PTPRN2: variants seen among roughly 807,000 people sequenced by gnomAD.
PTPRN2 encodes protein tyrosine phosphatase receptor type N2.
In PTPRN2, 74 loss-of-function variants were observed where a neutral mutation model predicts 118.8. That is an observed-to-expected ratio of 0.62 (90% CI 0.52 to 0.76). PTPRN2 has a LOEUF of 0.76. Ranked by LOEUF, PTPRN2 falls within the 30% of genes least tolerant of loss-of-function variation. PTPRN2 has a pLI of 0.00. For synonymous variants in PTPRN2, 641 were observed against 608.0 expected (o/e 1.05, Z -0.80); for missense variants, 1,481 against 1,394.4 (o/e 1.06, Z -0.99).
At chr7:157,653,727 G>A (rs559954159) in intron 14 of PTPRN2, among the ~76,000 whole-genome samples, 34 of 152,200 alleles carry the variant, frequency 2.2e-4, no homozygotes, top group African/African-American at 7.7e-4. Flanking sequence ...CAGAACTGCT[G>A]AGTGAGAGGA....
At chr7:157,635,071 C>T (rs1206746077) in intron 14 of PTPRN2, among the ~76,000 whole-genome samples, 9 of 152,342 alleles carry the variant, frequency 5.9e-5, no homozygotes, top group Middle Eastern at 3.4e-3. Context: ...CACAGCGACA[C>T]GGGCTCTAAC....
intron 2 of PTPRN2, among the ~76,000 whole-genome samples, chr7:158,389,393 T>G (rs1301751630): frequency 6.6e-6 from 1 of 152,234 alleles, no homozygotes; most frequent in Non-Finnish European, 1.5e-5. Context: ...TGCAAGTTCA[T>G]TAGAAAAGAG....
At chr7:158,348,644 T>C (rs964855588) in intron 2 of PTPRN2, among the ~76,000 whole-genome samples, 7 of 151,882 alleles carry the variant, frequency 4.6e-5, no homozygotes, top group African/African-American at 1.7e-4. Context: ...CCTCACAGAG[T>C]TTTCATGCTC....
At position 158,289,101 on chromosome 7, in the gene PTPRN2, CTCTT is replaced by C. The variant is rs543976344; in HGVS notation, c.277+27714_277+27717del. ...CTTTTCTCTCACTGCTTTTAAGATC[CTCTT>C]TGTCTTTGATTTTTGACAGTTTGAT... On this transcript the variant is annotated intron_variant, in intron 3 of 22. Coordinates refer to ENST00000389418, the MANE Select transcript of PTPRN2 (RefSeq NM_002847.5). Among the ~76,000 whole-genome samples, 166 of 152,166 alleles carry C rather than the reference CTCTT, an allele frequency of 1.1e-3. 1 individual carries two copies. Among genetic ancestry groups the C allele is most frequent in the Non-Finnish European group, 1.7e-3 (113 of 67,992 alleles).
chr7:158,196,534 C>T (rs942935551), intron 4 of PTPRN2, among the ~76,000 whole-genome samples: 1 of 152,006 alleles, frequency 6.6e-6, no homozygotes, highest in African/African-American at 2.4e-5. Context: ...CATGACCACA[C>T]TGAGTCCAAC....
chr7:157,829,935 G>C (rs1239011744), intron 12 of PTPRN2, among the ~76,000 whole-genome samples: 2 of 152,216 alleles, frequency 1.3e-5, no homozygotes, highest in Admixed American at 6.5e-5. Flanking sequence ...AGCTCCACCT[G>C]TCTGTGGGCC....
Position 158,515,903 on chromosome 7 carries a change from G to A in PTPRN2, c.113-26118C>T, listed in dbSNP as rs555675731. Among the ~76,000 whole-genome samples, 9 of 152,202 alleles carry A rather than the reference G, an allele frequency of 5.9e-5. No individual in the cohort carries two copies. The East Asian group carries it at 1.7e-3, about 29-fold the overall frequency. The stretch of plus-strand genomic sequence containing the variant: ...AAATACGTTTCCACACTTTTTCCAA[G>A]AGTTCCACCTTCATAGTCCAGTCTT... On this transcript the variant is annotated intron_variant, in intron 1 of 22. Transcript: ENST00000389418.
At chr7:158,489,527 C>G (rs928471466) in intron 2 of PTPRN2, among the ~76,000 whole-genome samples, 4 of 152,216 alleles carry the variant, frequency 2.6e-5, no homozygotes, top group East Asian at 1.9e-4. Flanking sequence ...TTGGTGCGAG[C>G]GATGGGCGCC....
At chr7:158,307,384 T>C (rs975471158) in intron 3 of PTPRN2, among the ~76,000 whole-genome samples, 1 of 151,872 alleles carries the variant, frequency 6.6e-6, no homozygotes, top group Admixed American at 6.6e-5. Flanking sequence ...CAACTGAAAT[T>C]ATCCAGTCTG....
chr7:157,938,674 A>G (rs748593416), intron 11 of PTPRN2, among the ~76,000 whole-genome samples: 1 of 152,260 alleles, frequency 6.6e-6, no homozygotes, highest in Non-Finnish European at 1.5e-5. Flanking sequence ...AAGTTGCATT[A>G]AACTGATGAG....
intron 2 of PTPRN2, among the ~76,000 whole-genome samples, chr7:158,331,104 C>G (rs1804319821): frequency 6.7e-6 from 1 of 149,234 alleles, no homozygotes; most frequent in East Asian, 2.0e-4. Context: ...CCGCAGACGT[C>G]ACTCACACCC....
chr7:158,209,124 G>A (rs1371777943), intron 3 of PTPRN2, among the ~76,000 whole-genome samples: 3 of 139,386 alleles, frequency 2.2e-5, no homozygotes, highest in Admixed American at 1.4e-4. Flanking sequence ...AAAAAAAAAA[G>A]TAAGGAAAGA....
At chr7:157,915,148 T>C (rs941785265) in intron 11 of PTPRN2, among the ~76,000 whole-genome samples, 1 of 152,250 alleles carries the variant, frequency 6.6e-6, no homozygotes, top group African/African-American at 2.4e-5. Context: ...GTCCATTCTT[T>C]CAATTAACTT....
intron 12 of PTPRN2, among the ~76,000 whole-genome samples, chr7:157,844,737 G>A (rs73746655): frequency 0.032 from 4,839 of 152,228 alleles, 263 homozygotes; most frequent in African/African-American, 0.11. Flanking sequence ...CAACGTACCC[G>A]GCACTGAGTT....
At position 157,576,722 on chromosome 7, in the gene PTPRN2, G is replaced by A. The variant is rs755561389; in HGVS notation, c.2674C>T (p.Leu892=). The A allele has an allele frequency of 5.6e-6, 9 of 1,609,740 alleles. No homozygotes were observed. The South Asian group carries it at 7.8e-5, about 14-fold the overall frequency. ...GTCTCGTTGGTCTGCAGGTTCTTCA[G>A]ATAGAAGCTCCTCACCAGGAAGTCC... The part of the protein sequence containing the change: ...CEDFLVRSFY[L]KNLQTNETRT... The change falls in exon 19 of 23, where the codon CTG becomes TTG. Residue 892 remains leucine (L), a synonymous_variant. Transcript: ENST00000389418.
intron 12 of PTPRN2, among the ~76,000 whole-genome samples, chr7:157,723,291 T>C (rs1292361921): frequency 6.6e-6 from 1 of 152,180 alleles, no homozygotes; most frequent in South Asian, 2.1e-4. Context: ...GGGACAGCTC[T>C]GGTCTGGCCT....
In PTPRN2 at chr7:158,570,929, T is replaced by C. The variant is rs1409644272; in HGVS notation, c.112+16629A>G. Among the ~76,000 whole-genome samples, 2 of 152,152 alleles carry C rather than the reference T, an allele frequency of 1.3e-5. No individual in the cohort carries two copies. The highest frequency in any genetic ancestry group is 2.4e-5 in the African/African-American group (1 of 41,440). On this transcript the variant is annotated intron_variant, in intron 1 of 22. Coordinates refer to ENST00000389418, the MANE Select transcript of PTPRN2 (RefSeq NM_002847.5). The surrounding 1 kb of genome is among the most constrained non-coding windows in gnomAD (Gnocchi z 4.5). ...CTTCCTCTGCTCAGAAGCCCACCCC[T>C]GCAGAGCAAAGCCCGGGTCCCGGAT...
chr7:158,129,489 C>A (rs374526560), intron 9 of PTPRN2, among the ~76,000 whole-genome samples: 2,801 of 123,884 alleles, frequency 0.023, 69 homozygotes, highest in African/African-American at 0.063. Context: ...ACACACAGCA[C>A]ACACACACAC....
intron 12 of PTPRN2, among the ~76,000 whole-genome samples, chr7:157,884,038 G>A (rs970052891): frequency 6.7e-6 from 1 of 149,870 alleles, no homozygotes; most frequent in South Asian, 2.1e-4. Context: ...AATGACTGTC[G>A]AAAACCAGAA....
Sources: gnomAD v4.1 joint callset for allele counts (sites outside exome capture counted in the v4.1 genomes callset) on GRCh38, gnomAD v4.1.1 for gene constraint, Gnocchi (gnomAD v3.1) non-coding constraint, MANE v1.5 for transcripts, NCBI Gene and HGNC (gene_info 2026-07-23, HGNC 2026-07-21) for gene names.